TRIM49: variants seen among roughly 807,000 people sequenced by gnomAD.
The protein encoded by TRIM49 is tripartite motif-containing protein 49.
Under a neutral mutation model 27.4 loss-of-function variants are expected in TRIM49, and 5 were observed. That is an observed-to-expected ratio of 0.18 (90% CI 0.10 to 0.38). The LOEUF (loss-of-function observed/expected upper bound fraction) is 0.38. Ranked by LOEUF, TRIM49 falls within the 10% of genes least tolerant of loss-of-function variation. The pLI is 1.00. For synonymous variants in TRIM49, 69 were observed against 166.0 expected, an observed-to-expected ratio of 0.42 and a Z score of 4.49; for missense variants, 188 against 487.5, an observed-to-expected ratio of 0.39 and a Z score of 5.79.
At chr11:89,791,586 A>G in the TRIM49 span, among the ~76,000 whole-genome samples, 6 of 150,844 alleles carry the variant, frequency 4.0e-5, no homozygotes, top group Admixed American at 6.6e-5. Context: ...GGGGGCCAAT[A>G]TTCAACATTC....
the TRIM49 span, among the ~76,000 whole-genome samples, chr11:89,784,636 T>G: frequency 1.4e-5 from 2 of 141,520 alleles, no homozygotes; most frequent in Admixed American, 1.4e-4. Flanking sequence ...TTTTTTGATT[T>G]TCTCCTATGT....
At chr11:89,772,323 T>C in the TRIM49 span, among the ~76,000 whole-genome samples, 60 of 133,292 alleles carry the variant, frequency 4.5e-4, no homozygotes, top group Non-Finnish European at 4.0e-4. Flanking sequence ...AGGCTATTGA[T>C]AGCTAAGTTT....
the TRIM49 span, among the ~76,000 whole-genome samples, chr11:89,770,276 A>G: frequency 8.0e-6 from 1 of 125,588 alleles, no homozygotes; most frequent in African/African-American, 4.0e-5. Flanking sequence ...ATATTGTGAG[A>G]CTTTATTGAT....
At position 89,808,438 on chromosome 11, in the gene TRIM49, C is replaced by T. The variant is rs545207540; in HGVS notation, c.-192G>A. 1.3e-5 allele frequency: 2 copies of T among 150,466 alleles called. 1 individual carries two copies. Among genetic ancestry groups the T allele is most frequent in the African/African-American group, 5.0e-5 (2 of 40,048 alleles). 9.3% of individuals were successfully genotyped at this position (150,466 alleles called of 1,614,324 possible). A position where few individuals can be genotyped will look rare whatever the true frequency, so the allele number is the denominator to read the frequency against. ...ATTAAGTGCAAAGACTTGACTTACC[C>T]AATTGTGGGAGCTGCTTAAGCAAAT... On this transcript the variant is annotated splice_region_variant and 5_prime_UTR_variant, in exon 1 of 8. Coordinates refer to ENST00000329758, the MANE Select transcript of TRIM49 (RefSeq NM_020358.2).
At chr11:89,787,916 A>G in the TRIM49 span, 1 of 387,188 alleles carries the variant, frequency 2.6e-6, no homozygotes, top group Non-Finnish European at 4.7e-6. Flanking sequence ...AGCTCCCGGG[A>G]CCACCGGGCC....
chr11:89,776,767 C>A, the TRIM49 span, among the ~76,000 whole-genome samples: 1 of 151,806 alleles, frequency 6.6e-6, no homozygotes, highest in African/African-American at 2.4e-5. Flanking sequence ...AGTCCTGAAC[C>A]AAATCTTCAA....
chr11:89,771,960 C>G, the TRIM49 span, among the ~76,000 whole-genome samples: 5 of 105,016 alleles, frequency 4.8e-5, no homozygotes, highest in Admixed American at 3.4e-4. Context: ...AGCTTTTGAC[C>G]TATATTTACT....
chr11:89,780,179 G>A, the TRIM49 span, among the ~76,000 whole-genome samples: 1 of 100,358 alleles, frequency 1.0e-5, no homozygotes, highest in Admixed American at 1.1e-4. Flanking sequence ...CCAGTTCTAG[G>A]AAAGACCTCA....
chr11:89,791,419 G>A, the TRIM49 span, among the ~76,000 whole-genome samples: 1 of 151,530 alleles, frequency 6.6e-6, no homozygotes, highest in Non-Finnish European at 1.5e-5. Context: ...CTCAAGAAGA[G>A]CAACTCCCAA....
chr11:89,807,666 C>A (rs1949798135), intron 1 of TRIM49, among the ~76,000 whole-genome samples: 2 of 151,018 alleles, frequency 1.3e-5, no homozygotes, highest in Non-Finnish European at 2.9e-5. Context: ...GTAGCTACGA[C>A]TTTAGGCTCA....
chr11:89,794,531 G>A (rs1427314945), downstream of TRIM49, among the ~76,000 whole-genome samples: 5 of 151,232 alleles, frequency 3.3e-5, no homozygotes, highest in East Asian at 2.0e-4. Context: ...GACTCGTGCC[G>A]AAACAGAGAC....
chr11:89,798,228 TCA>T lies in TRIM49; in HGVS notation c.1259_1260del (p.Val420GlufsTer4). ...GLFLDCEAKTVSFVDVNQSSL... is the reference protein window; with the variant it reads ...GLFLDCEAKTXSFVDVNQSSL... ...GAGCTTTGATTAACATCAACAAAGC[TCA>T]CAGTCTTAGCCTCACAATCCAGGAA... On this transcript the variant is annotated frameshift_variant, in exon 8 of 8. Coordinates refer to ENST00000329758, the MANE Select transcript of TRIM49 (RefSeq NM_020358.2). LOFTEE classifies it low-confidence loss of function (END_TRUNC). 1 of 1,562,528 alleles carries T rather than the reference TCA, an allele frequency of 6.4e-7. No individual in the cohort carries two copies. The highest frequency in any genetic ancestry group is 8.6e-7 in the Non-Finnish European group (1 of 1,162,460).
chr11:89,769,594 G>A, the TRIM49 span, among the ~76,000 whole-genome samples: 8 of 129,502 alleles, frequency 6.2e-5, 2 homozygotes, highest in African/African-American at 3.1e-4. Flanking sequence ...AACAGTCTGA[G>A]CTGGATGAGA....
At chr11:89,775,086 T>C in the TRIM49 span, among the ~76,000 whole-genome samples, 1 of 114,920 alleles carries the variant, frequency 8.7e-6, no homozygotes, top group Non-Finnish European at 1.6e-5. Flanking sequence ...CTGTTGAAAA[T>C]AGATTTAATC....
At chr11:89,794,082 T>C (rs1235329567), downstream of TRIM49, among the ~76,000 whole-genome samples, 1 of 137,634 alleles carries the variant, frequency 7.3e-6, no homozygotes, top group East Asian at 2.2e-4. Flanking sequence ...CAAGCATTCT[T>C]ATACACCAGT....
chr11:89,793,217 G>A (rs1266992564), downstream of TRIM49, among the ~76,000 whole-genome samples: 1 of 152,092 alleles, frequency 6.6e-6, no homozygotes, highest in Non-Finnish European at 1.5e-5. Context: ...TCAATAACAG[G>A]CTCTGAAATT....
At chr11:89,770,049 GC>G in the TRIM49 span, among the ~76,000 whole-genome samples, 5 of 129,858 alleles carry the variant, frequency 3.9e-5, no homozygotes, top group Non-Finnish European at 7.8e-5. Context: ...GCAGGAGGAT[GC>G]CGTCGAGGTC....
At chr11:89,795,885 T>TAAA (rs770474789), downstream of TRIM49, among the ~76,000 whole-genome samples, 1 of 149,668 alleles carries the variant, frequency 6.7e-6, no homozygotes, top group African/African-American at 2.5e-5. Flanking sequence ...TAAAGTATAA[T>TAAA]GAAAAAAAAA....
At chr11:89,802,756 A>G (rs1949748867) in intron 4 of TRIM49, among the ~76,000 whole-genome samples, 1 of 150,748 alleles carries the variant, frequency 6.6e-6, no homozygotes, top group African/African-American at 2.5e-5. Flanking sequence ...CACCCTATTT[A>G]AAACTCAAAC....
Sources: gnomAD v4.1 joint callset for allele counts (sites outside exome capture counted in the v4.1 genomes callset) on GRCh38, gnomAD v4.1.1 for gene constraint, MANE v1.5 for transcripts, NCBI Gene and HGNC (gene_info 2026-07-23, HGNC 2026-07-21) for gene names.